Variants in XIRP2 observed in about 807,000 individuals in gnomAD.
XIRP2 encodes xin actin binding repeat containing 2.
In XIRP2, 236 loss-of-function variants were observed where a neutral mutation model predicts 277.0. The observed-to-expected ratio is 0.85, with a 90% CI of 0.77 to 0.95. The LOEUF is 0.95. Among genes scored for constraint, XIRP2 ranks in the 40% least tolerant of loss-of-function variants. The pLI, the probability that XIRP2 is intolerant of heterozygous loss-of-function variation, is 0.00. For synonymous variants in XIRP2, 1,490 were observed against 1,416.5 expected, an observed-to-expected ratio of 1.05 and a Z score of -1.17; for missense variants, 4,640 against 4,157.5, an observed-to-expected ratio of 1.12 and a Z score of -3.19.
At chr2:167,144,583 T>G (rs1691813531) in intron 3 of XIRP2, among the ~76,000 whole-genome samples, 1 of 152,142 alleles carries the variant, frequency 6.6e-6, no homozygotes, top group South Asian at 2.1e-4. Flanking sequence ...TCTAGATAGT[T>G]TCTGACTTAT....
intron 2 of XIRP2, among the ~76,000 whole-genome samples, chr2:166,979,484 A>G (rs1686806452): frequency 6.7e-6 from 1 of 149,538 alleles, no homozygotes; most frequent in African/African-American, 2.5e-5. Context: ...CATTCAATAT[A>G]TCACCATTAA....
chr2:167,074,984 A>G (rs1248262495), intron 2 of XIRP2, among the ~76,000 whole-genome samples: 1 of 152,162 alleles, frequency 6.6e-6, no homozygotes, highest in Non-Finnish European at 1.5e-5. Flanking sequence ...GATCTTGGAC[A>G]TTTAAAGAGG....
At chr2:167,226,110 T>C (rs1231680741) in intron 5 of XIRP2, among the ~76,000 whole-genome samples, 1 of 152,214 alleles carries the variant, frequency 6.6e-6, no homozygotes, top group Non-Finnish European at 1.5e-5. Context: ...TGCTCTATAC[T>C]AGTAATTCGG....
chr2:166,998,203 G>A (rs1296262816), intron 2 of XIRP2, among the ~76,000 whole-genome samples: 1 of 152,080 alleles, frequency 6.6e-6, no homozygotes, highest in African/African-American at 2.4e-5. Flanking sequence ...AATCACCACA[G>A]CACACGTTTA....
At chr2:167,011,749 A>G (rs1387916140) in intron 2 of XIRP2, among the ~76,000 whole-genome samples, 2 of 151,686 alleles carry the variant, frequency 1.3e-5, no homozygotes, top group Non-Finnish European at 2.9e-5. Flanking sequence ...ACAATTTCAG[A>G]GCCTGTTATT....
chr2:167,240,058 A>G (rs1010193518), intron 6 of XIRP2, 93 bp downstream of exon 6: 2 of 1,091,642 alleles, frequency 1.8e-6, no homozygotes, highest in South Asian at 3.6e-5. Flanking sequence ...ATTGTCACTC[A>G]TGTATCTAGT....
In XIRP2 at chr2:167,046,692, A is replaced by C. The variant is rs115132579; in HGVS notation, c.409-89217A>C. On this transcript the variant is annotated intron_variant, in intron 2 of 10. Transcript: ENST00000409195. ...ATGGGAACAGCAAACCAAATACTGCATGTTCCCATTTCAAAGCGGCAGCTG... is the reference window on the plus strand; with the variant it reads ...ATGGGAACAGCAAACCAAATACTGCCTGTTCCCATTTCAAAGCGGCAGCTG... Among the ~76,000 whole-genome samples the C allele has an allele frequency of 3.3e-3, 498 of 152,184 alleles. 7 individuals are homozygous for C. The highest frequency in any genetic ancestry group is 0.011 in the African/African-American group (471 of 41,560).
At chr2:167,234,159 T>A (rs575540609) in intron 5 of XIRP2, among the ~76,000 whole-genome samples, 1 of 151,578 alleles carries the variant, frequency 6.6e-6, no homozygotes, top group South Asian at 2.1e-4. Flanking sequence ...GACAGCAAAA[T>A]TTTGTACTTT....
chr2:167,258,438 A>AGAAG lies in XIRP2; in HGVS notation c.*634_*637dup, dbSNP rs777888183. ...ATGCCTGAAGGAAGAAAAGATGAAAAGAAGGAAGGAAGGAAGAATGTGCAA... is the reference window on the plus strand; with the variant it reads ...ATGCCTGAAGGAAGAAAAGATGAAAAGAAGGAAGGAAGGAAGGAAGAATGTGCAA... On this transcript the variant is annotated 3_prime_UTR_variant, in exon 11 of 11. Coordinates refer to ENST00000409195, the MANE Select transcript of XIRP2 (RefSeq NM_152381.6). The AGAAG allele has an allele frequency of 6.2e-7, 1 of 1,613,310 alleles. No individual in the cohort carries two copies.
Position 167,124,883 on chromosome 2 carries a change from C to T in XIRP2, c.409-11026C>T, listed in dbSNP as rs1255816439. Among the ~76,000 whole-genome samples, 5 of 152,124 alleles carry T rather than the reference C, an allele frequency of 3.3e-5. No individual in the cohort carries two copies. In the East Asian group the frequency reaches 9.6e-4, roughly 29 times the overall value. ...AAATGCATTCATTAAATGCTGCTGT[C>T]CCTTTGGGAATAGCCAGAAGGATGG... On this transcript the variant is annotated intron_variant, in intron 2 of 10. Coordinates refer to ENST00000409195, the MANE Select transcript of XIRP2 (RefSeq NM_152381.6).
chr2:167,117,029 T>A (rs1298487969), intron 2 of XIRP2, among the ~76,000 whole-genome samples: 2 of 152,216 alleles, frequency 1.3e-5, no homozygotes, highest in Non-Finnish European at 2.9e-5. Context: ...GTTTCCATCC[T>A]GGGCTGTGAA....
chr2:167,048,104 CA>C (rs1688831319), intron 2 of XIRP2, among the ~76,000 whole-genome samples: 1 of 151,936 alleles, frequency 6.6e-6, no homozygotes, highest in Non-Finnish European at 1.5e-5. Flanking sequence ...TTTGGAAAGA[CA>C]GAATCATTCA....
intron 2 of XIRP2, among the ~76,000 whole-genome samples, chr2:167,059,133 G>C (rs1689114634): frequency 8.6e-6 from 1 of 116,910 alleles, no homozygotes; most frequent in Admixed American, 1.0e-4. Flanking sequence ...TTGAGACAGA[G>C]TCCTGCTCTG....
chr2:167,244,921 A>T lies in XIRP2; in HGVS notation c.3529A>T (p.Ile1177Leu). ...TTTTGAGACAGAAAATTTGGACAGC[A>T]TACAAGGAGAAGAAGTGAAGGAAAT... is the stretch of plus-strand genomic sequence containing the variant. Reference protein sequence around the residue: ...FLFETENLDSIQGEEVKEIKP... With the variant: ...FLFETENLDSLQGEEVKEIKP... The change falls in exon 9 of 11, where the codon ATA becomes TTA. Residue 1177 changes from isoleucine to leucine, a missense_variant. Coordinates refer to ENST00000409195, the MANE Select transcript of XIRP2 (RefSeq NM_152381.6). 6.2e-7 allele frequency: 1 copy of T among 1,613,100 alleles called. No homozygotes were observed. Among genetic ancestry groups the T allele is most frequent in the South Asian group, 1.1e-5 (1 of 90,838 alleles).
chr2:167,248,232 T>A lies in XIRP2; in HGVS notation c.6840T>A (p.Asn2280Lys). The A allele has an allele frequency of 6.2e-7, 1 of 1,613,678 alleles. No homozygotes were observed. The highest frequency in any genetic ancestry group is 8.5e-7 in the Non-Finnish European group (1 of 1,179,756). Residue 2280 changes from asparagine to lysine, a missense_variant, in exon 9 of 11, where the codon AAT becomes AAA. Coordinates refer to ENST00000409195, the MANE Select transcript of XIRP2 (RefSeq NM_152381.6). ...SLNPINFNPENNVKESECPLP... is the reference protein window; with the variant it reads ...SLNPINFNPEKNVKESECPLP... ...ATCCAATCAACTTTAACCCTGAGAA[T>A]AATGTAAAAGAAAGTGAGTGCCCCC...
intron 2 of XIRP2, among the ~76,000 whole-genome samples, chr2:167,026,083 G>A (rs903337849): frequency 2.0e-5 from 3 of 152,020 alleles, no homozygotes; most frequent in Admixed American, 2.0e-4. Context: ...TTATTGTGTG[G>A]GAGTCTAAGT....
intron 1 of XIRP2, among the ~76,000 whole-genome samples, chr2:166,898,298 A>T (rs1240019091): frequency 6.6e-6 from 1 of 152,078 alleles, no homozygotes; most frequent in African/African-American, 2.4e-5. Context: ...ATTGGAACTG[A>T]GAGGTCGTAG....
intron 3 of XIRP2, among the ~76,000 whole-genome samples, chr2:167,147,272 A>G (rs1468282115): frequency 6.6e-6 from 1 of 152,176 alleles, no homozygotes; most frequent in Admixed American, 6.5e-5. Context: ...GGAAAGGGTT[A>G]ACTTAGCAGG....
intron 2 of XIRP2, among the ~76,000 whole-genome samples, chr2:167,087,915 G>A (rs190940176): frequency 3.3e-5 from 5 of 152,124 alleles, no homozygotes; most frequent in African/African-American, 7.2e-5. Context: ...CGTCGCTCAC[G>A]CTGGGAGCTG....
Sources: gnomAD v4.1 joint callset for allele counts (sites outside exome capture counted in the v4.1 genomes callset) on GRCh38, gnomAD v4.1.1 for gene constraint, MANE v1.5 for transcripts, NCBI Gene and HGNC (gene_info 2026-07-23, HGNC 2026-07-21) for gene names.